Variants in FBXO30 observed in about 807,000 individuals in gnomAD.
FBXO30 encodes the protein F-box protein 30, also known as F-box only protein 30.
In FBXO30, 21 loss-of-function variants were observed where a neutral mutation model predicts 58.1. The ratio of observed to expected loss-of-function variants is 0.36; its 90% CI spans 0.26 to 0.52. The LOEUF is 0.52. Ranked by LOEUF, FBXO30 falls within the 20% of genes least tolerant of loss-of-function variation. The probability of loss-of-function intolerance (pLI) is 0.93; values close to 1 mark genes in which losing one functional copy is unlikely to be tolerated. For synonymous variants in FBXO30, 309 were observed against 312.4 expected (o/e 0.99, Z 0.11); for missense variants, 744 against 897.3 (o/e 0.83, Z 2.18).
intron 1 of FBXO30, among the ~76,000 whole-genome samples, chr6:145,813,376 G>A (rs1351439083): frequency 6.6e-6 from 1 of 150,470 alleles, no homozygotes; most frequent in Non-Finnish European, 1.5e-5. Context: ...AAAACAAATT[G>A]GCAATTTAAA....
rs779033045 is a variant in FBXO30 at position 145,800,221 on chromosome 6, C to T, written c.2123G>A (p.Ser708Asn). ...LSMADHLKKC[S>N]YNVVEKREEA... Reference sequence around the variant, plus strand: ...CTCCCGTTTCTCGACAACATTGTAACTGCATTTCTTCAAGTGGTCTGCCAT... The same window carrying T: ...CTCCCGTTTCTCGACAACATTGTAATTGCATTTCTTCAAGTGGTCTGCCAT... The change falls in exon 3 of 3, where the codon AGT (serine) becomes AAT (asparagine). Residue 708 changes from serine to asparagine, a missense_variant. Coordinates refer to ENST00000237281, the MANE Select transcript of FBXO30 (RefSeq NM_032145.5). The T allele has an allele frequency of 6.2e-7, 1 of 1,613,102 alleles. No homozygotes were observed. Among genetic ancestry groups the T allele is most frequent in the East Asian group, 2.2e-5 (1 of 44,836 alleles).
chr6:145,802,282 A>C (rs768576889), intron 2 of FBXO30, among the ~76,000 whole-genome samples: 23 of 152,150 alleles, frequency 1.5e-4, no homozygotes, highest in Admixed American at 3.3e-4. Context: ...AGAAAGATGA[A>C]GATCACAAGA....
rs1462202853 is a variant in FBXO30 at position 145,806,075 on chromosome 6, T to G, written c.331A>C (p.Ser111Arg). The G allele has an allele frequency of 6.2e-7, 1 of 1,613,998 alleles. No individual in the cohort carries two copies. Among genetic ancestry groups the G allele is most frequent in the East Asian group, 2.2e-5 (1 of 44,892 alleles). ...YADRKSYENL[S>R]RDVDEVAQLD... ...TGTGCCACTTCATCGACATCTCTGCTTAGATTTTCATATGATTTCCGGTCT... is the reference window on the plus strand; with the variant it reads ...TGTGCCACTTCATCGACATCTCTGCGTAGATTTTCATATGATTTCCGGTCT... Residue 111 changes from serine to arginine, a missense_variant, in exon 2 of 3, where the codon AGC becomes CGC. Physicochemically the swap from Ser to Arg is moderately radical, Grantham distance 110. Transcript: ENST00000237281.
Position 145,794,332 on chromosome 6 carries a change from C to T in FBXO30, c.*5774G>A, listed in dbSNP as rs1299874626. On this transcript the variant is annotated 3_prime_UTR_variant, in exon 3 of 3. Transcript: ENST00000237281. ...ATGAGAAAAGGAAGCTAAATGACAT[C>T]TTAGGTAAGCCAATCGGCGCAATGA... The T allele has an allele frequency of 6.6e-6, 1 of 151,940 alleles. No individual in the cohort carries two copies. Among genetic ancestry groups the T allele is most frequent in the African/African-American group, 2.4e-5 (1 of 41,426 alleles). 9.4% of individuals were successfully genotyped at this position (151,940 alleles called of 1,614,324 possible).
Position 145,805,844 on chromosome 6 carries a change from C to G in FBXO30, c.562G>C (p.Glu188Gln). The G allele has an allele frequency of 9.3e-6, 15 of 1,614,048 alleles. No homozygotes were observed. The highest frequency in any genetic ancestry group is 1.3e-5 in the Non-Finnish European group (15 of 1,179,984). ...GCAGCAGCCAAACTTCTGGTTGTTT[C>G]TACAGTAGCTTGATAAAGTGCACCA... ...SYGALYQATV[E>Q]TTRSLAAALD... Residue 188 changes from glutamate (E) to glutamine (Q), a missense_variant, in exon 2 of 3, where the codon GAA (glutamate) becomes CAA (glutamine). Glu to Gln is a conservative substitution (Grantham distance 29, BLOSUM62 2). Transcript: ENST00000237281.
At chr6:145,809,129 G>C (rs1163252904) in intron 1 of FBXO30, among the ~76,000 whole-genome samples, 1 of 152,050 alleles carries the variant, frequency 6.6e-6, no homozygotes, top group Non-Finnish European at 1.5e-5. Context: ...TTATCTTCAT[G>C]AATTTTAGAC....
At chr6:145,808,876 A>G (rs1392075695) in intron 1 of FBXO30, among the ~76,000 whole-genome samples, 1 of 152,192 alleles carries the variant, frequency 6.6e-6, no homozygotes, top group African/African-American at 2.4e-5. Context: ...TAACTAATTA[A>G]TCACTCCTCA....
chr6:145,803,303 A>C (rs1040721955), intron 2 of FBXO30, among the ~76,000 whole-genome samples: 3 of 152,192 alleles, frequency 2.0e-5, no homozygotes, highest in Non-Finnish European at 4.4e-5. Flanking sequence ...AAACACAAGC[A>C]GTAGAAACTT....
intron 1 of FBXO30, among the ~76,000 whole-genome samples, chr6:145,813,684 G>T (rs1305144677): frequency 7.6e-5 from 1 of 13,160 alleles, no homozygotes; most frequent in East Asian, 2.0e-3. Context: ...TTGGGATTTT[G>T]TATTAAAAGA....
intron 2 of FBXO30, among the ~76,000 whole-genome samples, chr6:145,800,541 A>G (rs189052357): frequency 3.3e-5 from 5 of 152,224 alleles, no homozygotes; most frequent in African/African-American, 1.2e-4. Flanking sequence ...AAAACAATAA[A>G]AGACAAAACT....
At position 145,804,542 on chromosome 6, in the gene FBXO30, G is replaced by C; in HGVS notation, c.1864C>G (p.Gln622Glu). The C allele has an allele frequency of 6.2e-7, 1 of 1,613,702 alleles. No homozygotes were observed. The highest frequency in any genetic ancestry group is 8.5e-7 in the Non-Finnish European group (1 of 1,179,822). ...CCATCGAGAAAGCCTGCAATATGCT[G>C]CAGGACCTCAAAAGGAAGACTACTT... ...HLSSLPFEVL[Q>E]HIAGFLDGFS... Residue 622 changes from glutamine to glutamate, a missense_variant, in exon 2 of 3, where the codon CAG becomes GAG. Gln to Glu is a conservative substitution (Grantham distance 29). Transcript: ENST00000237281.
rs1216892175 is a variant in FBXO30 at position 145,795,602 on chromosome 6, A to G, written c.*4504T>C. The G allele has an allele frequency of 6.6e-6, 1 of 151,946 alleles. No homozygotes were observed. Among genetic ancestry groups the G allele is most frequent in the Non-Finnish European group, 1.5e-5 (1 of 67,858 alleles). The allele number at this position is 151,946 out of a possible 1,614,324, so 9.4% of individuals were successfully genotyped here. The stretch of plus-strand genomic sequence containing the variant: ...GACTTTGCATCAATGAATTTTTATT[A>G]TATTTCTATAGAGCATGTTCATGAA... On this transcript the variant is annotated 3_prime_UTR_variant, in exon 3 of 3. Coordinates refer to ENST00000237281, the MANE Select transcript of FBXO30 (RefSeq NM_032145.5).
At chr6:145,807,516 G>A (rs1163349526) in intron 1 of FBXO30, among the ~76,000 whole-genome samples, 1 of 152,156 alleles carries the variant, frequency 6.6e-6, no homozygotes, top group Non-Finnish European at 1.5e-5. Context: ...AAAGGAATAA[G>A]GCAAATCATG....
At position 145,795,654 on chromosome 6, in the gene FBXO30, G is replaced by C. The variant is rs1330791913; in HGVS notation, c.*4452C>G. The C allele has an allele frequency of 6.6e-6, 1 of 151,726 alleles. No individual in the cohort carries two copies. The highest frequency in any genetic ancestry group is 1.5e-5 in the Non-Finnish European group (1 of 67,800). 9.4% of individuals were successfully genotyped at this position (151,726 alleles called of 1,614,324 possible). On this transcript the variant is annotated 3_prime_UTR_variant, in exon 3 of 3. Coordinates refer to ENST00000237281, the MANE Select transcript of FBXO30 (RefSeq NM_032145.5). Reference sequence around the variant, plus strand: ...ATTCCTTATAACCCATTTCTTTGTAGTTTATTAATGAAAAGTCACTCTCCA... The same window carrying C: ...ATTCCTTATAACCCATTTCTTTGTACTTTATTAATGAAAAGTCACTCTCCA...
intron 2 of FBXO30, among the ~76,000 whole-genome samples, chr6:145,801,306 G>T (rs533509896): frequency 3.0e-4 from 45 of 152,158 alleles, no homozygotes; most frequent in Middle Eastern, 3.4e-3. Context: ...CTAACCTGGG[G>T]CCCGTAGGCA....
intron 1 of FBXO30, among the ~76,000 whole-genome samples, chr6:145,808,365 C>T (rs1778241710): frequency 6.6e-6 from 1 of 151,984 alleles, no homozygotes; most frequent in African/African-American, 2.4e-5. Flanking sequence ...TTTCTAGACC[C>T]CATCTTCCTT....
rs953464935 is a variant in FBXO30, at chr6:145,793,591, A to T, written c.*6515T>A. The stretch of plus-strand genomic sequence containing the variant: ...AAACAAAGTATAAAACTATAAAAAA[A>T]AACCTTGAAAATTATACAAATTTTT... On this transcript the variant is annotated 3_prime_UTR_variant, in exon 3 of 3. Transcript: ENST00000237281. 1.3e-5 allele frequency: 2 copies of T among 152,088 alleles called. No homozygotes were observed. Among genetic ancestry groups the T allele is most frequent in the African/African-American group, 4.8e-5 (2 of 41,454 alleles). 9.4% of individuals were successfully genotyped at this position (152,088 alleles called of 1,614,324 possible).
rs1406900294 is a variant in FBXO30, at chr6:145,806,030, G to T, written c.376C>A (p.Leu126Ile). 2.5e-6 allele frequency: 4 copies of T among 1,613,868 alleles called. No homozygotes were observed. The highest frequency in any genetic ancestry group is 3.4e-6 in the Non-Finnish European group (4 of 1,179,960). ...EVAQLDMALA[L>I]QDQRMLLESL... The stretch of plus-strand genomic sequence containing the variant: ...TCTAAGAGCATCCTTTGGTCTTGAA[G>T]AGCCAAGGCCATATCCAATTGTGCC... The change falls in exon 2 of 3, where the codon CTT becomes ATT. Residue 126 changes from leucine to isoleucine, a missense_variant. This residue lies in a region of FBXO30 where 135 missense variants were observed against 201.6 expected (regional missense o/e 0.67). Coordinates refer to ENST00000237281, the MANE Select transcript of FBXO30 (RefSeq NM_032145.5).
intron 1 of FBXO30, among the ~76,000 whole-genome samples, chr6:145,810,230 C>A: frequency 6.6e-6 from 1 of 151,734 alleles, no homozygotes; most frequent in South Asian, 2.1e-4. Flanking sequence ...TTCCTATTAA[C>A]TATATTAAGA....
Sources: gnomAD v4.1 joint callset for allele counts (sites outside exome capture counted in the v4.1 genomes callset) on GRCh38, gnomAD v4.1.1 for gene constraint, gnomAD v4.1.1 regional missense constraint, MANE v1.5 for transcripts, NCBI Gene and HGNC (gene_info 2026-07-23, HGNC 2026-07-21) for gene names.